The following CARMIL1 variants were observed in gnomAD, a reference collection of about 807,000 sequenced individuals.
The protein encoded by CARMIL1 is F-actin-uncapping protein LRRC16A.
In CARMIL1, 90 loss-of-function variants were observed where a neutral mutation model predicts 177.1. That is an observed-to-expected ratio of 0.51 (90% confidence interval 0.43 to 0.61). The LOEUF (loss-of-function observed/expected upper bound fraction) is 0.61, where lower values mean the gene tolerates loss of function less well. CARMIL1 is among the 20% of genes least tolerant of loss of function. The pLI is 0.00. For synonymous variants in CARMIL1, 577 were observed against 606.2 expected (o/e 0.95, Z 0.71); for missense variants, 1,380 against 1,667.0 (o/e 0.83, Z 3.00).
intron 2 of CARMIL1, among the ~76,000 whole-genome samples, chr6:25,334,821 A>G (rs962270144): frequency 6.6e-6 from 1 of 152,094 alleles, no homozygotes; most frequent in African/African-American, 2.4e-5. Context: ...AAGGGATGCA[A>G]TTTGCTGGCA....
rs1562284293 is a variant in CARMIL1 at position 25,558,590 on chromosome 6, C to A, written c.2742+1740C>A. 6.6e-6 allele frequency among the ~76,000 whole-genome samples: 1 copy of A among 152,236 alleles called. No homozygotes were observed. Among genetic ancestry groups the A allele is most frequent in the Non-Finnish European group, 1.5e-5 (1 of 68,038 alleles). On this transcript the variant is annotated intron_variant, in intron 29 of 36. Coordinates refer to ENST00000329474, the MANE Select transcript of CARMIL1 (RefSeq NM_017640.6). The surrounding 1 kb of genome is among the most constrained non-coding windows in gnomAD (Gnocchi z 4.1). ...TTAAGGGACAGGCCTGCAGCAGGCA[C>A]AGCCCCTGTGAGTCAGCATCCATTG... is the stretch of plus-strand genomic sequence containing the variant.
chr6:25,434,417 A>G (rs1477140493), intron 4 of CARMIL1, among the ~76,000 whole-genome samples: 2 of 152,034 alleles, frequency 1.3e-5, no homozygotes, highest in Non-Finnish European at 2.9e-5. Context: ...AATTAATTAT[A>G]GGAATGAGTC....
At chr6:25,493,509 G>A (rs1051228071) in intron 15 of CARMIL1, among the ~76,000 whole-genome samples, 3 of 152,180 alleles carry the variant, frequency 2.0e-5, no homozygotes, top group Non-Finnish European at 2.9e-5. Flanking sequence ...TTTGTGACAT[G>A]TCCATTGTGG....
At chr6:25,536,349 C>A (rs976629876) in intron 24 of CARMIL1, among the ~76,000 whole-genome samples, 1 of 152,028 alleles carries the variant, frequency 6.6e-6, no homozygotes, top group African/African-American at 2.4e-5. Context: ...TGATTCCTGC[C>A]TACAATCAGA....
intron 2 of CARMIL1, among the ~76,000 whole-genome samples, chr6:25,394,701 C>T (rs1793201026): frequency 6.6e-6 from 1 of 152,010 alleles, no homozygotes; most frequent in African/African-American, 2.4e-5. Context: ...TATAAATAAC[C>T]GTACTGAAAT....
intron 2 of CARMIL1, among the ~76,000 whole-genome samples, chr6:25,382,289 G>T (rs915128770): frequency 2.0e-5 from 3 of 151,998 alleles, no homozygotes; most frequent in Non-Finnish European, 4.4e-5. Flanking sequence ...GTAGAGATGG[G>T]GTTTCATCAT....
At chr6:25,468,956 G>A (rs530044863) in intron 9 of CARMIL1, among the ~76,000 whole-genome samples, 1 of 152,122 alleles carries the variant, frequency 6.6e-6, no homozygotes, top group Non-Finnish European at 1.5e-5. Context: ...TAGGATAATC[G>A]CTGCAAAAAC....
chr6:25,522,996 A>G (rs937607383), intron 23 of CARMIL1, among the ~76,000 whole-genome samples: 6 of 152,106 alleles, frequency 3.9e-5, no homozygotes, highest in Non-Finnish European at 1.5e-5. Flanking sequence ...ACGAGGTTTC[A>G]CTATGTTGCC....
intron 29 of CARMIL1, among the ~76,000 whole-genome samples, chr6:25,569,378 G>A (rs1811860136): frequency 6.6e-6 from 1 of 152,082 alleles, no homozygotes; most frequent in African/African-American, 2.4e-5. Context: ...TGAAGAGTTG[G>A]GGTTTTAGGG....
chr6:25,428,277 G>C (rs935369755), intron 4 of CARMIL1, among the ~76,000 whole-genome samples: 1 of 151,560 alleles, frequency 6.6e-6, no homozygotes, highest in Non-Finnish European at 1.5e-5. Context: ...AGTAACATTT[G>C]TTTGAAAGAC....
chr6:25,508,943 G>T (rs971211513), intron 17 of CARMIL1, among the ~76,000 whole-genome samples: 1 of 152,158 alleles, frequency 6.6e-6, no homozygotes, highest in African/African-American at 2.4e-5. Flanking sequence ...AAGATGAAAA[G>T]TACTGTATTG....
At chr6:25,441,337 A>ATATATATATGTGTGTGTGTG in intron 5 of CARMIL1, among the ~76,000 whole-genome samples, 24 of 94,524 alleles carry the variant, frequency 2.5e-4, no homozygotes, top group African/African-American at 8.7e-4. Flanking sequence ...ATATATATAT[A>ATATATATATGTGTGTGTGTG]TGTGTGTGTG....
chr6:25,420,244 A>C, intron 3 of CARMIL1, 80 bp downstream of exon 3: 3 of 1,284,776 alleles, frequency 2.3e-6, no homozygotes, highest in South Asian at 1.2e-5. Context: ...GCATTCTTAC[A>C]TGTGTGCACA....
chr6:25,518,318 GCATTTT>G lies in CARMIL1; in HGVS notation c.1874+904_1874+909del, dbSNP rs1321572040. Among the ~76,000 whole-genome samples, 3 of 152,270 alleles carry G rather than the reference GCATTTT, an allele frequency of 2.0e-5. No homozygotes were observed. The East Asian group carries it at 5.8e-4, about 29-fold the overall frequency. On this transcript the variant is annotated intron_variant, in intron 22 of 36. Transcript: ENST00000329474. ...CCACAAGCCTGTGATCTTGATCAAGGCATTTTACCTCTCTGATTAAATCTTTTTTCA... is the reference window on the plus strand; with the variant it reads ...CCACAAGCCTGTGATCTTGATCAAGGACCTCTCTGATTAAATCTTTTTTCA...
chr6:25,440,541 C>T (rs570209374), intron 5 of CARMIL1, among the ~76,000 whole-genome samples: 13 of 152,056 alleles, frequency 8.5e-5, no homozygotes, highest in Non-Finnish European at 1.3e-4. Context: ...CCTTAGATTG[C>T]ATTATATGAT....
intron 9 of CARMIL1, among the ~76,000 whole-genome samples, chr6:25,469,586 C>T (rs1800919978): frequency 6.6e-6 from 1 of 152,016 alleles, no homozygotes. Context: ...GAAACGGGGT[C>T]TCACTCTGTG....
intron 29 of CARMIL1, among the ~76,000 whole-genome samples, chr6:25,559,504 A>G (rs956150285): frequency 9.9e-5 from 15 of 152,238 alleles, no homozygotes; most frequent in Admixed American, 2.0e-4. Flanking sequence ...ACATAAGTAC[A>G]TGCACGCAAC....
At chr6:25,283,526 G>A (rs2744282) in intron 1 of CARMIL1, among the ~76,000 whole-genome samples, 8,864 of 152,148 alleles carry the variant, frequency 0.058, 771 homozygotes, top group African/African-American at 0.19. Context: ...GATTTCAGAC[G>A]TATTCATTTT....
At chr6:25,493,117 A>G (rs1312915445) in intron 15 of CARMIL1, among the ~76,000 whole-genome samples, 1 of 152,248 alleles carries the variant, frequency 6.6e-6, no homozygotes, top group Non-Finnish European at 1.5e-5. Context: ...CTAGGTTACA[A>G]GATGAAAGCA....
Sources: allele counts gnomAD v4.1 joint callset (sites outside exome capture counted in the v4.1 genomes callset), GRCh38; gene constraint gnomAD v4.1.1; non-coding constraint Gnocchi (gnomAD v3.1); transcripts MANE v1.5; gene names NCBI Gene and HGNC (gene_info 2026-07-23, HGNC 2026-07-21).